Variants in GNB1 observed in about 807,000 individuals in gnomAD.
GNB1 encodes G protein subunit beta 1.
Under a neutral mutation model 42.9 loss-of-function variants are expected in GNB1, and 2 were observed. The observed-to-expected ratio is 0.05, with a 90% CI of 0.02 to 0.15. The LOEUF (loss-of-function observed/expected upper bound fraction) is 0.15, where lower values mean the gene tolerates loss of function less well. Among genes scored for constraint, GNB1 ranks in the 10% least tolerant of loss-of-function variants. The pLI is 1.00. For missense variants in GNB1, 193 were observed against 462.2 expected (o/e 0.42, Z 5.34); for synonymous variants, 183 against 174.7 (o/e 1.05, Z -0.38).
intron 5 of GNB1, among the ~76,000 whole-genome samples, chr1:1,808,062 C>CA (rs1369046047): frequency 1.3e-5 from 2 of 151,718 alleles, no homozygotes; most frequent in African/African-American, 4.8e-5. Context: ...GGCTGGAGTG[C>CA]AATGGTGCGT....
intron 1 of GNB1, among the ~76,000 whole-genome samples, chr1:1,872,634 A>C (rs1649308721): frequency 6.6e-6 from 1 of 152,074 alleles, no homozygotes; most frequent in South Asian, 2.1e-4. Context: ...CCTGAAGCAT[A>C]GGGGCTCCTT....
chr1:1,865,290 CA>C (rs60963237), intron 1 of GNB1, among the ~76,000 whole-genome samples: 49 of 114,772 alleles, frequency 4.3e-4, no homozygotes, highest in African/African-American at 7.8e-4. Flanking sequence ...AAAAAAAAAC[CA>C]AAAAAAAAAA....
At chr1:1,789,691 G>A (rs1435430504) in intron 9 of GNB1, among the ~76,000 whole-genome samples, 5 of 74,866 alleles carry the variant, frequency 6.7e-5, no homozygotes, top group Admixed American at 6.4e-4. Context: ...GCAAAACTCC[G>A]TCTCAAAAAA....
At chr1:1,815,973 C>T (rs1471735123) in intron 4 of GNB1, 111 bp from the exon 5 acceptor site, 7 of 690,562 alleles carry the variant, frequency 1.0e-5, no homozygotes, top group African/African-American at 1.7e-5. Flanking sequence ...CTCTTCCCAG[C>T]CCTTCCCACA....
intron 6 of GNB1, among the ~76,000 whole-genome samples, chr1:1,806,044 T>A: frequency 6.6e-6 from 1 of 152,208 alleles, no homozygotes; most frequent in Non-Finnish European, 1.5e-5. Flanking sequence ...ACAATACACT[T>A]TGGATTAAGT....
intron 1 of GNB1, among the ~76,000 whole-genome samples, chr1:1,859,790 CAGG>C (rs1433936669): frequency 6.6e-6 from 1 of 150,880 alleles, no homozygotes; most frequent in Non-Finnish European, 1.5e-5. Context: ...GCGGGCAAAT[CAGG>C]AGGTCAGGAG....
In GNB1 at chr1:1,842,194, G is replaced by T. The variant is rs541337159; in HGVS notation, c.-95-2956C>A. On this transcript the variant is annotated intron_variant, in intron 1 of 11. Transcript: ENST00000378609. ...GCCTGTAATCCCAGCACTCTGGGAG[G>T]CCAAGGCGGGCAGATCACAAGGTCA... Among the ~76,000 whole-genome samples the T allele has an allele frequency of 1.1e-4, 16 of 152,326 alleles. No homozygotes were observed. The East Asian group carries it at 2.7e-3, about 26-fold the overall frequency.
chr1:1,788,720 G>C (rs1243851482), intron 10 of GNB1: 1 of 266,068 alleles, frequency 3.8e-6, no homozygotes, highest in Non-Finnish European at 7.4e-6. Context: ...GGCACCCAGA[G>C]GTGTCCCTGC....
intron 1 of GNB1, among the ~76,000 whole-genome samples, chr1:1,854,724 T>C (rs1288160109): frequency 2.0e-5 from 3 of 152,150 alleles, no homozygotes; most frequent in African/African-American, 4.8e-5. Flanking sequence ...CTGGATAATA[T>C]AGTAAGACGT....
Position 1,799,122 on chromosome 1 carries a change from G to A in GNB1, c.430+5297C>T, listed in dbSNP as rs556502809. Among the ~76,000 whole-genome samples, 233 of 152,130 alleles carry A rather than the reference G, an allele frequency of 1.5e-3. 1 individual carries two copies. Among genetic ancestry groups the A allele is most frequent in the Non-Finnish European group, 2.5e-3 (167 of 68,006 alleles). ...TTTTTAGTAGAGATGGGGTTTCACC[G>A]TGTTAGCCAGGATGGTCTCGATCTC... is the stretch of plus-strand genomic sequence containing the variant. On this transcript the variant is annotated intron_variant, in intron 7 of 11. Transcript: ENST00000378609.
chr1:1,801,485 C>CGTGT (rs1270322809), intron 7 of GNB1, among the ~76,000 whole-genome samples: 1 of 152,164 alleles, frequency 6.6e-6, no homozygotes, highest in Non-Finnish European at 1.5e-5. Flanking sequence ...ACAGCAGGCC[C>CGTGT]GTGTGGCTGT....
chr1:1,857,935 G>A (rs976145748), intron 1 of GNB1, among the ~76,000 whole-genome samples: 3 of 152,046 alleles, frequency 2.0e-5, no homozygotes, highest in East Asian at 1.9e-4. Context: ...GGTCTCTCTC[G>A]TACTGTACCG....
intron 7 of GNB1, among the ~76,000 whole-genome samples, chr1:1,802,245 T>C (rs146130988): frequency 6.6e-6 from 1 of 152,264 alleles, no homozygotes; most frequent in African/African-American, 2.4e-5. Context: ...ATCATTCCCA[T>C]GTGCACACAG....
intron 5 of GNB1, among the ~76,000 whole-genome samples, chr1:1,814,956 C>A (rs531874043): frequency 1.3e-5 from 2 of 151,300 alleles, no homozygotes; most frequent in Admixed American, 1.3e-4. Flanking sequence ...ACTAAAAATA[C>A]AAAAAAATTA....
chr1:1,810,874 G>A (rs1646766852), intron 5 of GNB1, among the ~76,000 whole-genome samples: 1 of 151,718 alleles, frequency 6.6e-6, no homozygotes, highest in Admixed American at 6.6e-5. Context: ...CACCATATTG[G>A]GCAGGCTGGT....
intron 3 of GNB1, 46 bp downstream of exon 3, chr1:1,825,351 C>T (rs2100991448): frequency 7.4e-7 from 1 of 1,355,060 alleles, no homozygotes. Flanking sequence ...AACATCTAAC[C>T]TGAAACTCAA....
chr1:1,850,060 C>T (rs1019219160), intron 1 of GNB1, among the ~76,000 whole-genome samples: 3 of 152,098 alleles, frequency 2.0e-5, no homozygotes, highest in Non-Finnish European at 4.4e-5. Flanking sequence ...TCTCCGCCTC[C>T]CAGGTTCAAG....
chr1:1,874,189 G>A (rs890641223), intron 1 of GNB1, among the ~76,000 whole-genome samples: 3 of 152,296 alleles, frequency 2.0e-5, no homozygotes, highest in Middle Eastern at 3.4e-3. Flanking sequence ...CGCGCCTCCT[G>A]GCCAGGTGCG....
rs1646670079 is a variant in GNB1, at chr1:1,804,502, C to T, written c.347G>A (p.Gly116Asp). The change falls in exon 7 of 12, where the codon GGC (glycine) becomes GAC (aspartate). Residue 116 changes from glycine to aspartate, a missense_variant. Gly to Asp is a moderately conservative substitution (Grantham distance 94). This residue lies in a region of GNB1 where 150 missense variants were observed against 410.8 expected (regional missense o/e 0.37). Coordinates refer to ENST00000378609, the MANE Select transcript of GNB1 (RefSeq NM_002074.5). ...GTAAATGGAGCAAATGTTATCCAGGCCACCGCAGGCCACATAGTTCCCAGA... is the reference window on the plus strand; with the variant it reads ...GTAAATGGAGCAAATGTTATCCAGGTCACCGCAGGCCACATAGTTCCCAGA... Reference protein sequence around the residue: ...APSGNYVACGGLDNICSIYNL... With the variant: ...APSGNYVACGDLDNICSIYNL... The T allele has an allele frequency of 6.2e-7, 1 of 1,613,394 alleles. No homozygotes were observed. Among genetic ancestry groups the T allele is most frequent in the Non-Finnish European group, 8.5e-7 (1 of 1,179,384 alleles).
Sources: allele counts gnomAD v4.1 joint callset (sites outside exome capture counted in the v4.1 genomes callset), GRCh38; gene constraint gnomAD v4.1.1; regional missense constraint gnomAD v4.1.1; transcripts MANE v1.5; gene names NCBI Gene and HGNC (gene_info 2026-07-23, HGNC 2026-07-21).